The following SEMA5A variants were observed in gnomAD, a reference collection of about 807,000 sequenced individuals.
SEMA5A encodes semaphorin-5A.
In SEMA5A, 55 loss-of-function variants were observed where a neutral mutation model predicts 135.5. The observed-to-expected ratio is 0.41, with a 90% CI of 0.33 to 0.51. SEMA5A has a LOEUF of 0.51. Ranked by LOEUF, SEMA5A falls within the 20% of genes least tolerant of loss-of-function variation. The probability of loss-of-function intolerance (pLI) is 0.37; values close to 1 mark genes in which losing one functional copy is unlikely to be tolerated. For synonymous variants in SEMA5A, 580 were observed against 546.5 expected (o/e 1.06, Z -0.85); for missense variants, 1,290 against 1,419.9 (o/e 0.91, Z 1.47).
At chr5:9,047,921 C>T (rs1373540195) in intron 21 of SEMA5A, among the ~76,000 whole-genome samples, 10 of 152,242 alleles carry the variant, frequency 6.6e-5, no homozygotes, top group African/African-American at 2.4e-4. Context: ...CTCCTGGGTT[C>T]TCAAGGCCCT....
intron 3 of SEMA5A, among the ~76,000 whole-genome samples, chr5:9,346,730 G>A (rs701496): frequency 0.66 from 99,905 of 151,962 alleles, 33,866 homozygotes; most frequent in South Asian, 0.76. Context: ...CTCCATTTCC[G>A]GCCTCGTTTG....
chr5:9,323,241 C>T (rs528424635), intron 4 of SEMA5A, among the ~76,000 whole-genome samples: 2 of 152,312 alleles, frequency 1.3e-5, no homozygotes. Context: ...TTTAGATATA[C>T]ACATTGCCTA....
chr5:9,454,432 C>G (rs1758757278), intron 1 of SEMA5A, among the ~76,000 whole-genome samples: 1 of 152,186 alleles, frequency 6.6e-6, no homozygotes, highest in African/African-American at 2.4e-5. Context: ...CCAACAGTCA[C>G]AAGTTGTCCC....
At chr5:9,347,075 C>A (rs1753908717) in intron 3 of SEMA5A, among the ~76,000 whole-genome samples, 2 of 152,048 alleles carry the variant, frequency 1.3e-5, no homozygotes, top group South Asian at 2.1e-4. Context: ...TTAATAATAA[C>A]CAATTAGAGA....
chr5:9,303,367 C>T (rs1434911448), intron 5 of SEMA5A, among the ~76,000 whole-genome samples: 3 of 152,108 alleles, frequency 2.0e-5, no homozygotes, highest in Non-Finnish European at 2.9e-5. Context: ...CCACCTGCCT[C>T]GGCCTCCCAA....
At chr5:9,068,251 A>G (rs2150076408) in intron 16 of SEMA5A, among the ~76,000 whole-genome samples, 1 of 152,346 alleles carries the variant, frequency 6.6e-6, no homozygotes, top group South Asian at 2.1e-4. Flanking sequence ...TTTAACTGGA[A>G]GGTCTGTAGC....
At chr5:9,069,158 T>G (rs1737637987) in intron 16 of SEMA5A, among the ~76,000 whole-genome samples, 1 of 152,204 alleles carries the variant, frequency 6.6e-6, no homozygotes, top group African/African-American at 2.4e-5. Flanking sequence ...ATACACCACA[T>G]TGTTTGTACA....
chr5:9,225,531 T>C (rs1053888914), intron 7 of SEMA5A, among the ~76,000 whole-genome samples: 2 of 146,974 alleles, frequency 1.4e-5, no homozygotes, highest in African/African-American at 5.1e-5. Context: ...ATCGTGCCGC[T>C]GCATTCCAGC....
chr5:9,229,222 A>T (rs1747484024), intron 6 of SEMA5A, among the ~76,000 whole-genome samples: 1 of 152,238 alleles, frequency 6.6e-6, no homozygotes, highest in African/African-American at 2.4e-5. Flanking sequence ...CAAAGACCTA[A>T]GTAGACTTCA....
At chr5:9,422,276 AATTCTTC>A (rs1228909389) in intron 2 of SEMA5A, 1 of 152,230 alleles carries the variant, frequency 6.6e-6, no homozygotes, top group Admixed American at 6.5e-5. Context: ...GCTCCTGAAT[AATTCTTC>A]AACCTGGGCA....
At chr5:9,448,544 G>C (rs567940060) in intron 1 of SEMA5A, among the ~76,000 whole-genome samples, 48 of 152,324 alleles carry the variant, frequency 3.2e-4, no homozygotes, top group African/African-American at 1.0e-3. Context: ...GGAATTAACA[G>C]TATTAAACTG....
chr5:9,210,799 G>A (rs1224305119), intron 8 of SEMA5A, among the ~76,000 whole-genome samples: 1 of 152,080 alleles, frequency 6.6e-6, no homozygotes, highest in African/African-American at 2.4e-5. Context: ...TAAGAAGGAT[G>A]GCAGATGACA....
At chr5:9,126,276 G>T (rs1265945228) in intron 13 of SEMA5A, among the ~76,000 whole-genome samples, 1 of 152,016 alleles carries the variant, frequency 6.6e-6, no homozygotes, top group African/African-American at 2.4e-5. Flanking sequence ...TTAGTTGAAG[G>T]GGGTAAGGGA....
chr5:9,508,187 T>A (rs910472954), intron 1 of SEMA5A, among the ~76,000 whole-genome samples: 27 of 152,086 alleles, frequency 1.8e-4, no homozygotes, highest in Non-Finnish European at 3.7e-4. Context: ...CCACAGCATA[T>A]GCTTTCTCCA....
At chr5:9,184,580 T>A (rs1267050122) in intron 11 of SEMA5A, among the ~76,000 whole-genome samples, 1 of 152,340 alleles carries the variant, frequency 6.6e-6, no homozygotes, top group East Asian at 1.9e-4. Context: ...AAACATTTAC[T>A]CTGTGTCTAA....
intron 1 of SEMA5A, among the ~76,000 whole-genome samples, chr5:9,471,775 T>C (rs1561280226): frequency 6.6e-6 from 1 of 152,216 alleles, no homozygotes; most frequent in African/African-American, 2.4e-5. Context: ...ATTAAATACC[T>C]AGCTAAACGA....
chr5:9,051,858 T>C lies in SEMA5A; in HGVS notation c.2845+15A>G, dbSNP rs4257744. 8.6e-5 allele frequency: 138 copies of C among 1,613,988 alleles called. No homozygotes were observed. The highest frequency in any genetic ancestry group is 1.1e-4 in the Non-Finnish European group (132 of 1,179,982). On this transcript the variant is annotated intron_variant, in intron 20 of 22. Coordinates refer to ENST00000382496, the MANE Select transcript of SEMA5A (RefSeq NM_003966.3). The stretch of plus-strand genomic sequence containing the variant: ...AAATGATTTTATTCTTACTGATAAA[T>C]ACCTCTGCTCTTACCTGGGATGAAA...
chr5:9,507,969 A>C (rs1735989949), intron 1 of SEMA5A, among the ~76,000 whole-genome samples: 1 of 150,478 alleles, frequency 6.6e-6, no homozygotes, highest in Non-Finnish European at 1.5e-5. Context: ...GCGCCACTGC[A>C]TTCCAGCCTG....
At chr5:9,345,400 G>A (rs1403281428) in intron 3 of SEMA5A, among the ~76,000 whole-genome samples, 1 of 152,038 alleles carries the variant, frequency 6.6e-6, no homozygotes, top group Non-Finnish European at 1.5e-5. Flanking sequence ...GCCTCCCCAT[G>A]CAGGCCCCTG....
Sources: gnomAD v4.1 joint callset for allele counts (sites outside exome capture counted in the v4.1 genomes callset) on GRCh38, gnomAD v4.1.1 for gene constraint, MANE v1.5 for transcripts, NCBI Gene and HGNC (gene_info 2026-07-23, HGNC 2026-07-21) for gene names.